Variants in TRAF3IP1 observed in about 807,000 individuals in gnomAD.
The protein encoded by TRAF3IP1 is intraflagellar transport 54.
In TRAF3IP1, 53 loss-of-function variants were observed where a neutral mutation model predicts 89.9. The ratio of observed to expected loss-of-function variants is 0.59; its 90% CI spans 0.47 to 0.74. The LOEUF is 0.74. TRAF3IP1 is among the 30% of genes least tolerant of loss of function. The pLI, the probability that TRAF3IP1 is intolerant of heterozygous loss-of-function variation, is 0.00. For missense variants in TRAF3IP1, 806 were observed against 866.1 expected (o/e 0.93, Z 0.87); for synonymous variants, 311 against 322.1 (o/e 0.97, Z 0.37).
Position 238,356,190 on chromosome 2 carries a change from G to C in TRAF3IP1, c.1689+110G>C, listed in dbSNP as rs949674208. On this transcript the variant is annotated intron_variant, in intron 15 of 16. Coordinates refer to ENST00000373327, the MANE Select transcript of TRAF3IP1 (RefSeq NM_015650.4). Reference sequence around the variant, plus strand: ...AATATTACCATTATCAGTGATGTCTGTTTGCATATTTAAATGCCATTCCTG... The same window carrying C: ...AATATTACCATTATCAGTGATGTCTCTTTGCATATTTAAATGCCATTCCTG... 2.3e-5 allele frequency: 21 copies of C among 922,880 alleles called. 1 individual carries two copies. In the Admixed American group the frequency reaches 4.6e-4, roughly 20 times the overall value. 57.2% of individuals were successfully genotyped at this position (922,880 alleles called of 1,614,324 possible).
At chr2:238,381,507 G>C (rs769399689) in intron 15 of TRAF3IP1, among the ~76,000 whole-genome samples, 1 of 152,196 alleles carries the variant, frequency 6.6e-6, no homozygotes, top group Admixed American at 6.5e-5. Flanking sequence ...TTGCCACCAC[G>C]CTGGAGGCCG....
intron 15 of TRAF3IP1, among the ~76,000 whole-genome samples, chr2:238,366,982 T>G (rs1699903978): frequency 6.6e-6 from 1 of 151,314 alleles, no homozygotes; most frequent in South Asian, 2.1e-4. Flanking sequence ...GCTAACAAGG[T>G]GAAACCCCAT....
intron 9 of TRAF3IP1, among the ~76,000 whole-genome samples, chr2:238,346,850 C>A (rs1258602596): frequency 6.6e-6 from 1 of 152,210 alleles, no homozygotes; most frequent in Non-Finnish European, 1.5e-5. Flanking sequence ...TTGAATCACC[C>A]CACCCCTGTG....
rs752459680 is a variant in TRAF3IP1 at position 238,328,697 on chromosome 2, C to T, written c.366C>T (p.Asp122=). 1.3e-5 allele frequency: 21 copies of T among 1,613,652 alleles called. No homozygotes were observed. The Middle Eastern group carries it at 5.0e-4, about 38-fold the overall frequency. ...ATTTGGACGACAAGCTCTCTAGTGACGATGCGGTGCGGAGGGTTTTAGCTG... is the reference window on the plus strand; with the variant it reads ...ATTTGGACGACAAGCTCTCTAGTGATGATGCGGTGCGGAGGGTTTTAGCTG... The part of the protein sequence containing the change: ...GKCCLNKLSS[D]DAVRRVLAGE... Residue 122 remains aspartate, a synonymous_variant, in exon 4 of 17, where the codon GAC becomes GAT. Coordinates refer to ENST00000373327, the MANE Select transcript of TRAF3IP1 (RefSeq NM_015650.4).
chr2:238,382,328 G>C (rs1475257897), intron 15 of TRAF3IP1, among the ~76,000 whole-genome samples: 1 of 152,146 alleles, frequency 6.6e-6, no homozygotes. Flanking sequence ...TGGAATCGTT[G>C]ACTGTCAAGG....
At chr2:238,331,007 T>A (rs894799861) in intron 5 of TRAF3IP1, among the ~76,000 whole-genome samples, 1 of 152,006 alleles carries the variant, frequency 6.6e-6, no homozygotes, top group African/African-American at 2.4e-5. Flanking sequence ...GAGGCACTAG[T>A]ATATTCGGGT....
At chr2:238,377,298 A>G (rs1022126042) in intron 15 of TRAF3IP1, among the ~76,000 whole-genome samples, 4 of 139,128 alleles carry the variant, frequency 2.9e-5, no homozygotes, top group Admixed American at 7.5e-5. Context: ...CAGTGGTGCA[A>G]TCATGGCTCA....
intron 8 of TRAF3IP1, among the ~76,000 whole-genome samples, chr2:238,340,856 G>A (rs1427270714): frequency 6.8e-6 from 1 of 146,902 alleles, no homozygotes; most frequent in Admixed American, 6.9e-5. Flanking sequence ...TAGAGAGAGA[G>A]AGACAGAGAG....
intron 1 of TRAF3IP1, among the ~76,000 whole-genome samples, chr2:238,322,127 TGTGCCGCATCACCACC>T (rs1253239891): frequency 6.6e-6 from 1 of 152,042 alleles, no homozygotes; most frequent in Non-Finnish European, 1.5e-5. Context: ...AGGGGGACAA[TGTGCCGCATCACCACC>T]GTCCCGTGAA....
chr2:238,322,376 G>A (rs964186382), intron 1 of TRAF3IP1, among the ~76,000 whole-genome samples: 1 of 152,210 alleles, frequency 6.6e-6, no homozygotes, highest in African/African-American at 2.4e-5. Context: ...GTTGGTCAGA[G>A]GAATCCTAAT....
Position 238,383,687 on chromosome 2 carries a change from GT to G in TRAF3IP1, c.1690-13770del, listed in dbSNP as rs1170695767. 6.4e-4 allele frequency among the ~76,000 whole-genome samples: 97 copies of G among 152,320 alleles called. 1 individual carries two copies. Among genetic ancestry groups the G allele is most frequent in the African/African-American group, 2.1e-3 (87 of 41,562 alleles). On this transcript the variant is annotated intron_variant, in intron 15 of 16. Transcript: ENST00000373327. ...ATCTTTCTGTCCCATACCTGAATGT[GT>G]TCATTTCCTCATTCTAGCAAACACT...
intron 15 of TRAF3IP1, among the ~76,000 whole-genome samples, chr2:238,367,186 A>AAG (rs1553616414): frequency 1.3e-5 from 2 of 150,118 alleles, no homozygotes; most frequent in East Asian, 4.0e-4. Context: ...AAAAAAAAAA[A>AAG]AAAGAAAATT....
intron 8 of TRAF3IP1, among the ~76,000 whole-genome samples, chr2:238,340,176 C>T (rs896826636): frequency 3.7e-4 from 56 of 152,324 alleles, no homozygotes; most frequent in African/African-American, 1.3e-3. Flanking sequence ...TGCCACAGCG[C>T]GGACCTGGGG....
At chr2:238,372,821 A>C (rs1700164156) in intron 15 of TRAF3IP1, among the ~76,000 whole-genome samples, 1 of 152,194 alleles carries the variant, frequency 6.6e-6, no homozygotes, top group South Asian at 2.1e-4. Flanking sequence ...AATGACTGCC[A>C]TTCTAACTGG....
At chr2:238,348,740 G>T (rs373202851) in intron 10 of TRAF3IP1, 24 bp from the exon 11 acceptor site, 1 of 1,602,198 alleles carries the variant, frequency 6.2e-7, no homozygotes, top group Non-Finnish European at 8.6e-7. Flanking sequence ...TTTGTGAATT[G>T]CTAATTGATT....
chr2:238,351,886 T>C lies in TRAF3IP1; in HGVS notation c.1452-941T>C, dbSNP rs990447456. On this transcript the variant is annotated intron_variant, in intron 12 of 16. Coordinates refer to ENST00000373327, the MANE Select transcript of TRAF3IP1 (RefSeq NM_015650.4). The surrounding 1 kb of genome is among the most constrained non-coding windows in gnomAD (Gnocchi z 5.2). The stretch of plus-strand genomic sequence containing the variant: ...GTGTGTGCGCGCGCGCGCGTGTGCG[T>C]GCATGTGCTTGTGTGTATGCGTGTG... 4.7e-5 allele frequency among the ~76,000 whole-genome samples: 7 copies of C among 149,714 alleles called. No individual in the cohort carries two copies. Among genetic ancestry groups the C allele is most frequent in the South Asian group, 2.1e-4 (1 of 4,720 alleles).
rs1699397122 is a variant in TRAF3IP1, at chr2:238,356,166, A to AG, written c.1689+86_1689+87insG. 3.7e-6 allele frequency: 4 copies of AG among 1,067,838 alleles called. No homozygotes were observed. The South Asian group carries it at 5.3e-5, about 14-fold the overall frequency. The allele number at this position is 1,067,838 out of a possible 1,614,324, so 66.1% of individuals were successfully genotyped here. ...CTTTTACAAGTTGGAGCATCTTTCA[A>AG]TATTACCATTATCAGTGATGTCTGT... is the stretch of plus-strand genomic sequence containing the variant. On this transcript the variant is annotated intron_variant, in intron 15 of 16. Coordinates refer to ENST00000373327, the MANE Select transcript of TRAF3IP1 (RefSeq NM_015650.4).
At chr2:238,359,965 TAAATA>T (rs1374787493) in intron 15 of TRAF3IP1, among the ~76,000 whole-genome samples, 1 of 152,188 alleles carries the variant, frequency 6.6e-6, no homozygotes, top group Non-Finnish European at 1.5e-5. Flanking sequence ...GGGCCATTGT[TAAATA>T]AAATAAGGGT....
At chr2:238,394,696 C>T (rs1701136088) in intron 15 of TRAF3IP1, among the ~76,000 whole-genome samples, 1 of 152,174 alleles carries the variant, frequency 6.6e-6, no homozygotes, top group African/African-American at 2.4e-5. Context: ...TACTTAAAGT[C>T]CCAATTATTT....
Sources: allele counts gnomAD v4.1 joint callset (sites outside exome capture counted in the v4.1 genomes callset), GRCh38; gene constraint gnomAD v4.1.1; non-coding constraint Gnocchi (gnomAD v3.1); transcripts MANE v1.5; gene names NCBI Gene and HGNC (gene_info 2026-07-23, HGNC 2026-07-21).